Variants in INTS9 observed in about 807,000 individuals in gnomAD.
INTS9 encodes the protein integrator complex subunit 9.
In INTS9, 55 loss-of-function variants were observed where a neutral mutation model predicts 79.7. The ratio of observed to expected loss-of-function variants is 0.69; its 90% confidence interval spans 0.56 to 0.86. The LOEUF is 0.86. INTS9 is among the 40% of genes least tolerant of loss of function. The pLI is 0.00. For synonymous variants in INTS9, 319 were observed against 325.2 expected (o/e 0.98, Z 0.20); for missense variants, 721 against 831.5 (o/e 0.87, Z 1.64).
At chr8:28,885,513 T>C (rs1046406257) in intron 1 of INTS9, among the ~76,000 whole-genome samples, 6 of 152,344 alleles carry the variant, frequency 3.9e-5, no homozygotes, top group African/African-American at 1.4e-4. Context: ...AAGGGTATAC[T>C]GTGGTTGCAT....
rs116095848 is a variant in INTS9 at position 28,845,727 on chromosome 8, C to T, written c.261+1020G>A. 4.6e-3 allele frequency among the ~76,000 whole-genome samples: 699 copies of T among 152,288 alleles called. 3 individuals carry two copies. Among genetic ancestry groups the T allele is most frequent in the African/African-American group, 0.016 (648 of 41,570 alleles). On this transcript the variant is annotated intron_variant, in intron 4 of 16. Transcript: ENST00000521022. Reference sequence around the variant, plus strand: ...AGGATGACAAAATGACTTTGGTTAACGGTGAGAGGGAGAGCTCTGGATTCT... The same window carrying T: ...AGGATGACAAAATGACTTTGGTTAATGGTGAGAGGGAGAGCTCTGGATTCT...
intron 6 of INTS9, among the ~76,000 whole-genome samples, chr8:28,824,958 A>G (rs953563392): frequency 6.6e-6 from 1 of 152,198 alleles, no homozygotes; most frequent in African/African-American, 2.4e-5. Context: ...TGCTGAGTCA[A>G]GGTTTGTCTC....
intron 8 of INTS9, 29 bp from the exon 9 acceptor site, chr8:28,796,684 T>C (rs1337071370): frequency 7.2e-7 from 1 of 1,381,398 alleles, no homozygotes; most frequent in Non-Finnish European, 1.0e-6. Context: ...ATATGGTTAG[T>C]AATTTTAAAA....
At chr8:28,821,956 G>T (rs1466184995) in intron 6 of INTS9, among the ~76,000 whole-genome samples, 1 of 151,942 alleles carries the variant, frequency 6.6e-6, no homozygotes, top group Non-Finnish European at 1.5e-5. Context: ...TTGTAGAGAT[G>T]GGATTTTGCC....
chr8:28,809,826 A>G (rs1805007157), intron 8 of INTS9, among the ~76,000 whole-genome samples: 1 of 152,196 alleles, frequency 6.6e-6, no homozygotes, highest in African/African-American at 2.4e-5. Flanking sequence ...GATGCAGGAA[A>G]AAATAGCAAC....
At chr8:28,772,007 T>G (rs1286062344) in intron 14 of INTS9, among the ~76,000 whole-genome samples, 3 of 152,086 alleles carry the variant, frequency 2.0e-5, no homozygotes, top group Non-Finnish European at 4.4e-5. Flanking sequence ...ACTACAGGCA[T>G]GAACCACCAC....
At chr8:28,808,193 A>AT (rs3054473) in intron 8 of INTS9, among the ~76,000 whole-genome samples, 126 of 130,924 alleles carry the variant, frequency 9.6e-4, no homozygotes, top group South Asian at 1.9e-3. Context: ...CTTTATTTAG[A>AT]TTTTTTTTTT....
At chr8:28,864,632 T>C (rs1808636409) in intron 1 of INTS9, among the ~76,000 whole-genome samples, 1 of 152,214 alleles carries the variant, frequency 6.6e-6, no homozygotes, top group Middle Eastern at 3.2e-3. Flanking sequence ...TATATTATTA[T>C]ACTAATTTCT....
At position 28,813,578 on chromosome 8, in the gene INTS9, C is replaced by T; in HGVS notation, c.523G>A (p.Val175Ile). 6.2e-7 allele frequency: 1 copy of T among 1,613,792 alleles called. No homozygotes were observed. The highest frequency in any genetic ancestry group is 8.5e-7 in the Non-Finnish European group (1 of 1,179,724). The change falls in exon 7 of 17, where the codon GTC becomes ATC. Residue 175 changes from valine to isoleucine, a missense_variant. Around this residue, in one of 3 missense-constraint regions of INTS9, gnomAD observed 291 missense variants for 307.0 expected, o/e 0.95. Transcript: ENST00000521022. ...LPSPLKDAVE[V>I]STWRRCYTMQ... Reference sequence around the variant, plus strand: ...GTATAGCATCTTCTCCAGGTTGAGACTTCCACTGCATCCTTGAGAGGAGAA... The same window carrying T: ...GTATAGCATCTTCTCCAGGTTGAGATTTCCACTGCATCCTTGAGAGGAGAA...
In INTS9 at chr8:28,775,933, A is replaced by T; in HGVS notation, c.1396-7T>A. 2 of 1,544,468 alleles carry T rather than the reference A, an allele frequency of 1.3e-6. No individual in the cohort carries two copies. The highest frequency in any genetic ancestry group is 1.7e-6 in the Non-Finnish European group (2 of 1,145,124). On this transcript the variant is annotated splice_region_variant and splice_polypyrimidine_tract_variant and intron_variant, in intron 13 of 16. Transcript: ENST00000521022. ...GACACACCACGTGCAGGGGCTGAGG[A>T]ACCAATGGGACAGTTGAGAAAGGTG... is the stretch of plus-strand genomic sequence containing the variant.
Position 28,767,888 on chromosome 8 carries a change from C to T in INTS9, c.*258G>A, listed in dbSNP as rs1023301236. 2.4e-5 allele frequency: 11 copies of T among 465,200 alleles called. No individual in the cohort carries two copies. Among genetic ancestry groups the T allele is most frequent in the Non-Finnish European group, 3.5e-5 (9 of 254,174 alleles). 28.8% of individuals were successfully genotyped at this position (465,200 alleles called of 1,614,324 possible). A position where few individuals can be genotyped will look rare whatever the true frequency, so the allele number is the denominator to read the frequency against. On this transcript the variant is annotated 3_prime_UTR_variant, in exon 17 of 17. Transcript: ENST00000521022. ...CTCTTGGAAAACTTCTCCTGTCCCA[C>T]TTCTGCCACCCTCCAGCTCCTTGAG... is the stretch of plus-strand genomic sequence containing the variant.
chr8:28,830,632 TAAAA>T lies in INTS9; in HGVS notation c.488+4656_488+4659del, dbSNP rs767647324. Among the ~76,000 whole-genome samples, 8 of 99,160 alleles carry T rather than the reference TAAAA, an allele frequency of 8.1e-5. No individual in the cohort carries two copies. In the Admixed American group the frequency reaches 8.1e-4, roughly 10 times the overall value. The allele number at this position is 99,160 out of a possible 152,430, so 65.1% of individuals were successfully genotyped here. On this transcript the variant is annotated intron_variant, in intron 6 of 16. Coordinates refer to ENST00000521022, the MANE Select transcript of INTS9 (RefSeq NM_018250.4). Reference sequence around the variant, plus strand: ...AGAGTGAGACCCTGTCTCAAAAAATTAAAAAAAAAAAAAAAAAAGCTCTTCAAAT... The same window carrying T: ...AGAGTGAGACCCTGTCTCAAAAAATTAAAAAAAAAAAAAAGCTCTTCAAAT...
At chr8:28,792,499 A>G (rs1445005499) in intron 10 of INTS9, among the ~76,000 whole-genome samples, 2 of 152,118 alleles carry the variant, frequency 1.3e-5, no homozygotes, top group Non-Finnish European at 2.9e-5. Flanking sequence ...AAAAACAAAA[A>G]AATCAAAGGC....
intron 6 of INTS9, among the ~76,000 whole-genome samples, chr8:28,814,282 T>TCACACACACACA (rs1491258772): frequency 4.5e-5 from 4 of 88,084 alleles, no homozygotes; most frequent in Admixed American, 1.4e-4. Context: ...GAACAGGGCT[T>TCACACACACACA]CTCACACACA....
intron 4 of INTS9, among the ~76,000 whole-genome samples, chr8:28,840,029 C>T (rs200322052): frequency 0.076 from 10,826 of 141,978 alleles, 353 homozygotes; most frequent in East Asian, 0.23. Context: ...AGAAAATTTT[C>T]GCAACCTACT....
chr8:28,806,598 T>A (rs1804829728), intron 8 of INTS9, among the ~76,000 whole-genome samples: 1 of 152,214 alleles, frequency 6.6e-6, no homozygotes, highest in Non-Finnish European at 1.5e-5. Context: ...GTAGAACATT[T>A]ACAAAAATAG....
In INTS9 at chr8:28,812,399, G is replaced by A. The variant is rs1437800969; in HGVS notation, c.672C>T (p.Asn224=). 1 of 1,614,046 alleles carries A rather than the reference G, an allele frequency of 6.2e-7. No individual in the cohort carries two copies. Among genetic ancestry groups the A allele is most frequent in the South Asian group, 1.1e-5 (1 of 91,084 alleles). ...TCTCGTAATGAGACTGGATGATCCA[G>A]TTGGAGCTCCCAAGGGCATAGCCAG... ...LSSGYALGSS[N]WIIQSHYEKV... The change falls in exon 8 of 17, where the codon AAC becomes AAT. Residue 224 remains asparagine (N), a synonymous_variant. Coordinates refer to ENST00000521022, the MANE Select transcript of INTS9 (RefSeq NM_018250.4).
intron 1 of INTS9, among the ~76,000 whole-genome samples, chr8:28,881,456 C>T (rs1221291565): frequency 1.4e-5 from 2 of 144,408 alleles, no homozygotes; most frequent in African/African-American, 5.1e-5. Flanking sequence ...CCCGGCCAGC[C>T]GCCCCGTCCG....
At chr8:28,785,151 T>G (rs1251347848) in intron 11 of INTS9, among the ~76,000 whole-genome samples, 2 of 152,256 alleles carry the variant, frequency 1.3e-5, no homozygotes, top group African/African-American at 2.4e-5. Flanking sequence ...AGCCACGCAA[T>G]GTCAGTTAGT....
Sources: allele counts gnomAD v4.1 joint callset (sites outside exome capture counted in the v4.1 genomes callset), GRCh38; gene constraint gnomAD v4.1.1; regional missense constraint gnomAD v4.1.1; transcripts MANE v1.5; gene names NCBI Gene and HGNC (gene_info 2026-07-23, HGNC 2026-07-21).